The following AGO3 variants were observed in gnomAD, a reference collection of about 807,000 sequenced individuals.
The protein encoded by AGO3 is argonaute RISC catalytic component 3, also known as protein argonaute-3.
AGO3 carries 16 observed loss-of-function variants against 105.5 expected under a neutral mutation model. That is an observed-to-expected ratio of 0.15 (90% CI 0.10 to 0.23). The LOEUF is 0.23. Ranked by LOEUF, AGO3 falls within the 10% of genes least tolerant of loss-of-function variation. AGO3 has a pLI of 1.00. For missense variants in AGO3, 534 were observed against 1,088.0 expected (o/e 0.49, Z 7.16); for synonymous variants, 340 against 367.3 (o/e 0.93, Z 0.85).
At chr1:36,028,607 G>T (rs1379566065) in intron 12 of AGO3, among the ~76,000 whole-genome samples, 1 of 151,774 alleles carries the variant, frequency 6.6e-6, no homozygotes, top group African/African-American at 2.4e-5. Context: ...AGTATTCCAT[G>T]GTGTATATGT....
Position 35,994,042 on chromosome 1 carries a change from ATTTTTTTTTT to A in AGO3, c.659-10282_659-10273del, listed in dbSNP as rs759085356. ...TACATGCGTGAGCCACTGCGCCCAGATTTTTTTTTTTTTTTTTTTTTTTTTTGAGTCAGGT... is the reference window on the plus strand; with the variant it reads ...TACATGCGTGAGCCACTGCGCCCAGATTTTTTTTTTTTTTTTGAGTCAGGT... On this transcript the variant is annotated intron_variant, in intron 5 of 18. Transcript: ENST00000373191. Among the ~76,000 whole-genome samples, 12 of 65,840 alleles carry A rather than the reference ATTTTTTTTTT, an allele frequency of 1.8e-4. No individual in the cohort carries two copies. The South Asian group carries it at 2.3e-3, about 13-fold the overall frequency. The allele number at this position is 65,840 out of a possible 152,430, so 43.2% of individuals were successfully genotyped here. A position where few individuals can be genotyped will look rare whatever the true frequency, so the allele number is the denominator to read the frequency against.
intron 9 of AGO3, 53 bp from the exon 10 acceptor site, chr1:36,013,577 G>C (rs1468281219): frequency 5.0e-6 from 8 of 1,607,224 alleles, no homozygotes; most frequent in Non-Finnish European, 6.8e-6. Context: ...ATGCATTAAA[G>C]TAGGGGATTT....
chr1:35,949,289 A>G (rs139767959), intron 2 of AGO3, among the ~76,000 whole-genome samples: 172 of 152,350 alleles, frequency 1.1e-3, no homozygotes, highest in African/African-American at 3.9e-3. Context: ...TCTAAAAATC[A>G]TATAAATCAG....
rs777698507 is a variant in AGO3 at position 35,973,677 on chromosome 1, A to G, written c.658+166A>G. The G allele has an allele frequency of 3.3e-5, 26 of 778,144 alleles. No individual in the cohort carries two copies. In the East Asian group the frequency reaches 5.4e-4, roughly 16 times the overall value. 48.2% of individuals were successfully genotyped at this position (778,144 alleles called of 1,614,324 possible). A position where few individuals can be genotyped will look rare whatever the true frequency, so the allele number is the denominator to read the frequency against. ...ATATTTTTATTACATTTCATTTAGA[A>G]AGCCTGTAGAATTTACCTTGGAATG... is the stretch of plus-strand genomic sequence containing the variant. On this transcript the variant is annotated intron_variant, in intron 5 of 18. Transcript: ENST00000373191.
intron 3 of AGO3, 21 bp downstream of exon 3, chr1:35,967,096 T>A: frequency 6.3e-7 from 1 of 1,598,262 alleles, no homozygotes; most frequent in Non-Finnish European, 8.5e-7. Context: ...CATTCCTGTA[T>A]TGGAAAGGTA....
chr1:35,946,771 A>T (rs562895799), intron 2 of AGO3, among the ~76,000 whole-genome samples: 1 of 152,348 alleles, frequency 6.6e-6, no homozygotes, highest in Non-Finnish European at 1.5e-5. Context: ...ACTTTGTGAT[A>T]ACACGTTAAA....
chr1:35,959,384 A>G (rs10796876), intron 2 of AGO3, among the ~76,000 whole-genome samples: 36,033 of 151,984 alleles, frequency 0.24, 7,043 homozygotes, highest in East Asian at 0.7. Context: ...TTAAATTCTC[A>G]CGTGACGTTC....
chr1:36,037,561 T>C (rs1642067016), intron 14 of AGO3, among the ~76,000 whole-genome samples: 1 of 152,160 alleles, frequency 6.6e-6, no homozygotes, highest in African/African-American at 2.4e-5. Context: ...TATGATACAT[T>C]ATAATCTTCA....
intron 6 of AGO3, among the ~76,000 whole-genome samples, chr1:36,007,707 A>C (rs1640404349): frequency 6.6e-6 from 1 of 151,980 alleles, no homozygotes; most frequent in African/African-American, 2.4e-5. Context: ...AAAAAAACCT[A>C]AATAAAATTA....
intron 2 of AGO3, among the ~76,000 whole-genome samples, chr1:35,948,144 A>G (rs886654050): frequency 1.3e-5 from 2 of 152,240 alleles, no homozygotes; most frequent in African/African-American, 2.4e-5. Context: ...TGTCAATTCA[A>G]GTTTTTTTAG....
At position 36,004,134 on chromosome 1, in the gene AGO3, T is replaced by G. The variant is rs954706817; in HGVS notation, c.659-207T>G. ...AATCAGTTACTTACGATGAAAGAGA[T>G]AGATTATAAAAACTGTAGTATTTGG... On this transcript the variant is annotated intron_variant, in intron 5 of 18. Transcript: ENST00000373191. The G allele has an allele frequency of 1.4e-5, 6 of 437,216 alleles. No individual in the cohort carries two copies. The East Asian group carries it at 1.7e-4, about 13-fold the overall frequency. 27.1% of individuals were successfully genotyped at this position (437,216 alleles called of 1,614,324 possible).
intron 3 of AGO3, among the ~76,000 whole-genome samples, chr1:35,970,032 ACTTT>A (rs1267297980): frequency 6.6e-6 from 1 of 152,166 alleles, no homozygotes; most frequent in Admixed American, 6.6e-5. Context: ...CTACTTCATT[ACTTT>A]CTGGCACAGG....
Position 36,009,093 on chromosome 1 carries a change from T to TTTTTTTTTTTTTTTTTGA in AGO3, c.1029+49_1029+50insTTTTTTTTTTTTTTTTGA. 2.0e-6 allele frequency: 3 copies of TTTTTTTTTTTTTTTTTGA among 1,473,350 alleles called. 1 individual carries two copies. In the East Asian group the frequency reaches 1.2e-4, roughly 60 times the overall value. 91.3% of individuals were successfully genotyped at this position (1,473,350 alleles called of 1,614,324 possible). On this transcript the variant is annotated intron_variant, in intron 8 of 18. Coordinates refer to ENST00000373191, the MANE Select transcript of AGO3 (RefSeq NM_024852.4). ...AATACCCTGTTGTTCATGATTCTTT[T>TTTTTTTTTTTTTTTTTGA]GGGGTCTTTTATGGCCGATAACTTA...
intron 5 of AGO3, among the ~76,000 whole-genome samples, chr1:35,986,995 CAA>C (rs56230663): frequency 5.2e-5 from 6 of 114,960 alleles, no homozygotes; most frequent in Non-Finnish European, 7.2e-5. Context: ...GACTCCGTCT[CAA>C]AAAAAAAAAA....
intron 5 of AGO3, among the ~76,000 whole-genome samples, chr1:35,985,255 C>T (rs1321562297): frequency 6.6e-6 from 1 of 152,138 alleles, no homozygotes; most frequent in Non-Finnish European, 1.5e-5. Context: ...GTACTCCAGC[C>T]TGGGCAACAG....
At chr1:36,005,296 A>G (rs1030995553) in intron 6 of AGO3, among the ~76,000 whole-genome samples, 2 of 152,160 alleles carry the variant, frequency 1.3e-5, no homozygotes, top group African/African-American at 4.8e-5. Flanking sequence ...TTGTTCACTG[A>G]ACATCTTTCA....
At chr1:35,996,479 G>T (rs745847852) in intron 5 of AGO3, among the ~76,000 whole-genome samples, 1 of 151,692 alleles carries the variant, frequency 6.6e-6, no homozygotes, top group Non-Finnish European at 1.5e-5. Context: ...CTTCACAAAA[G>T]AATATGTGTG....
chr1:35,970,185 G>A (rs1250460748), intron 3 of AGO3, among the ~76,000 whole-genome samples: 1 of 152,150 alleles, frequency 6.6e-6, no homozygotes, highest in Non-Finnish European at 1.5e-5. Flanking sequence ...AGCTGCTGGG[G>A]TATATGTGCT....
In AGO3 at chr1:36,021,393, C is replaced by T. The variant is rs563446377; in HGVS notation, c.1407-5721C>T. On this transcript the variant is annotated intron_variant, in intron 11 of 18. Coordinates refer to ENST00000373191, the MANE Select transcript of AGO3 (RefSeq NM_024852.4). The stretch of plus-strand genomic sequence containing the variant: ...ATTTCTGTGGCCTACAATAGTTTAA[C>T]GTAATAACCATAATTATGTCTGATA... 2.1e-4 allele frequency among the ~76,000 whole-genome samples: 32 copies of T among 152,072 alleles called. 1 individual carries two copies. Among genetic ancestry groups the T allele is most frequent in the African/African-American group, 7.0e-4 (29 of 41,492 alleles).
Sources: allele counts gnomAD v4.1 joint callset (sites outside exome capture counted in the v4.1 genomes callset), GRCh38; gene constraint gnomAD v4.1.1; transcripts MANE v1.5; gene names NCBI Gene and HGNC (gene_info 2026-07-23, HGNC 2026-07-21).